MEP1B: variants seen among roughly 807,000 people sequenced by gnomAD.
MEP1B encodes the protein N-benzoyl-L-tyrosyl-P-amino-benzoic acid hydrolase subunit beta.
In MEP1B, 80 loss-of-function variants were observed where a neutral mutation model predicts 84.6. The ratio of observed to expected loss-of-function variants is 0.95; its 90% CI spans 0.79 to 1.14. The LOEUF (loss-of-function observed/expected upper bound fraction) is 1.14. Among genes scored for constraint, MEP1B ranks in the 50% most tolerant of loss-of-function variants. MEP1B has a pLI of 0.00. For missense variants in MEP1B, 766 were observed against 855.1 expected (o/e 0.90, Z 1.30); for synonymous variants, 273 against 288.1 (o/e 0.95, Z 0.53).
Position 32,196,626 on chromosome 18 carries a change from AC to A in MEP1B, c.250+1144del. ...GTCGTACTCCATCACCCTGTGCAGC[AC>A]CCGCCTGATGTTGTCCAGCACGCCA... On this transcript the variant is annotated intron_variant, in intron 5 of 14. Transcript: ENST00000269202. This position sits in a 1 kb window ranked among gnomAD's most constrained non-coding sequence, Gnocchi z 4.4. 1.4e-6 allele frequency: 1 copy of A among 716,264 alleles called. No homozygotes were observed. The highest frequency in any genetic ancestry group is 2.6e-6 in the Non-Finnish European group (1 of 390,738). The allele number at this position is 716,264 out of a possible 1,614,324, so 44.4% of individuals were successfully genotyped here.
chr18:32,190,426 A>G (rs1372225342), intron 1 of MEP1B, among the ~76,000 whole-genome samples: 1 of 152,110 alleles, frequency 6.6e-6, no homozygotes, highest in Non-Finnish European at 1.5e-5. Context: ...TTCCATTTTT[A>G]CTGCTGAATG....
At position 32,196,450 on chromosome 18, in the gene MEP1B, T is replaced by C; in HGVS notation, c.250+965T>C. The C allele has an allele frequency of 2.9e-6, 2 of 694,150 alleles. No homozygotes were observed. Among genetic ancestry groups the C allele is most frequent in the South Asian group, 3.0e-5 (2 of 67,392 alleles). The allele number at this position is 694,150 out of a possible 1,614,324, so 43.0% of individuals were successfully genotyped here. A position where few individuals can be genotyped will look rare whatever the true frequency, so the allele number is the denominator to read the frequency against. On this transcript the variant is annotated intron_variant, in intron 5 of 14. Transcript: ENST00000269202. The surrounding 1 kb of genome is among the most constrained non-coding windows in gnomAD (Gnocchi z 4.4). Reference sequence around the variant, plus strand: ...CTTACAGAGGGTGTGCAGCCAGCCCTTCCTTCTGGTGCTGCAGGGCCGACC... The same window carrying C: ...CTTACAGAGGGTGTGCAGCCAGCCCCTCCTTCTGGTGCTGCAGGGCCGACC...
intron 9 of MEP1B, among the ~76,000 whole-genome samples, chr18:32,209,412 G>A (rs1051057971): frequency 3.8e-4 from 57 of 151,878 alleles, no homozygotes; most frequent in African/African-American, 6.1e-4. Flanking sequence ...ACTTGAACCC[G>A]GGGGGCAGAG....
chr18:32,216,931 A>C, intron 12 of MEP1B, 60 bp from the exon 13 acceptor site: 1 of 1,515,674 alleles, frequency 6.6e-7, no homozygotes, highest in African/African-American at 1.4e-5. Flanking sequence ...TGAAAATTAA[A>C]GATCAAATGA....
chr18:32,204,243 T>C lies in MEP1B; in HGVS notation c.430T>C (p.Cys144Arg), dbSNP rs2040941340. ...GCAAGAACTTTCCATCGGGGCAAAC[T>C]GTGACCGAATAGCAACAGTTCAACA... ...GKQELSIGAN[C>R]DRIATVQHEF... is the part of the protein sequence containing the mutation. The change falls in exon 7 of 15, where the codon TGT (cysteine) becomes CGT (arginine). Residue 144 changes from cysteine to arginine, a missense_variant. Coordinates refer to ENST00000269202, the MANE Select transcript of MEP1B (RefSeq NM_005925.3). 1.2e-6 allele frequency: 2 copies of C among 1,605,708 alleles called. No individual in the cohort carries two copies. The highest frequency in any genetic ancestry group is 1.7e-6 in the Non-Finnish European group (2 of 1,176,434).
intron 6 of MEP1B, 94 bp from the exon 7 acceptor site, chr18:32,204,088 G>A: frequency 9.9e-7 from 1 of 1,007,994 alleles, no homozygotes; most frequent in South Asian, 1.5e-5. Context: ...GGGTAATGAA[G>A]TGGGTAATGA....
At position 32,210,796 on chromosome 18, in the gene MEP1B, C is replaced by T. The variant is rs369601919; in HGVS notation, c.1135+80C>T. On this transcript the variant is annotated intron_variant, in intron 10 of 14. Coordinates refer to ENST00000269202, the MANE Select transcript of MEP1B (RefSeq NM_005925.3). ...TTTCTTTAGTTAATGCAACAATTTA[C>T]AATAGGGCAGGGGCTACTGAGTCAC... 13 of 1,168,714 alleles carry T rather than the reference C, an allele frequency of 1.1e-5. No homozygotes were observed. In the East Asian group the frequency reaches 1.9e-4, roughly 17 times the overall value. The allele number at this position is 1,168,714 out of a possible 1,614,324, so 72.4% of individuals were successfully genotyped here.
In MEP1B at chr18:32,208,135, T is replaced by C. The variant is rs1297854942; in HGVS notation, c.783T>C (p.Phe261=). ...QLYNCSSSLS[F]MDSCSFELEN... Reference sequence around the variant, plus strand: ...TTTTTGTAGCCTCTTCCTTGAGTTTTATGGACTCGTGCAGTTTTGAACTGG... The same window carrying C: ...TTTTTGTAGCCTCTTCCTTGAGTTTCATGGACTCGTGCAGTTTTGAACTGG... Residue 261 remains phenylalanine, a synonymous_variant, in exon 9 of 15, where the codon TTT becomes TTC. Coordinates refer to ENST00000269202, the MANE Select transcript of MEP1B (RefSeq NM_005925.3). 2 of 1,613,832 alleles carry C rather than the reference T, an allele frequency of 1.2e-6. No individual in the cohort carries two copies. Among genetic ancestry groups the C allele is most frequent in the Non-Finnish European group, 1.7e-6 (2 of 1,179,756 alleles).
chr18:32,217,811 G>C lies in MEP1B; in HGVS notation c.1937G>C (p.Arg646Thr), dbSNP rs1327842240. The change falls in exon 14 of 15, where the codon AGA becomes ACA. Residue 646 changes from arginine to threonine, a missense_variant. Transcript: ENST00000269202. The part of the protein sequence containing the change: ...WWYMGERCEK[R>T]GSTRDTIVIA... ...TACATGGGAGAAAGGTGTGAAAAGA[G>C]AGGCTCCACCCGAGACACCATAGTC... The C allele has an allele frequency of 6.2e-7, 1 of 1,613,852 alleles. No individual in the cohort carries two copies. Among genetic ancestry groups the C allele is most frequent in the South Asian group, 1.1e-5 (1 of 91,038 alleles).
intron 2 of MEP1B, among the ~76,000 whole-genome samples, chr18:32,192,426 C>T (rs1598885192): frequency 6.6e-6 from 1 of 151,926 alleles, no homozygotes; most frequent in Admixed American, 6.6e-5. Flanking sequence ...CAAGGAATGT[C>T]GATAGGACAG....
At chr18:32,193,979 C>T (rs201081080) in intron 4 of MEP1B, among the ~76,000 whole-genome samples, 9 of 152,280 alleles carry the variant, frequency 5.9e-5, no homozygotes, top group African/African-American at 1.2e-4. Context: ...GTCTACAAGA[C>T]GTCTCAAACC....
chr18:32,217,804 GA>G lies in MEP1B; in HGVS notation c.1934del (p.Lys645ArgfsTer9). On this transcript the variant is annotated frameshift_variant, in exon 14 of 15. Transcript: ENST00000269202. LOFTEE classifies it high-confidence loss of function. ...EDWWYMGERC[E>X]KRGSTRDTIV... ...CTGGTGGTACATGGGAGAAAGGTGT[GA>G]AAAGAGAGGCTCCACCCGAGACACC... is the stretch of plus-strand genomic sequence containing the variant. 1.2e-6 allele frequency: 2 copies of G among 1,613,464 alleles called. No homozygotes were observed. The highest frequency in any genetic ancestry group is 1.7e-6 in the Non-Finnish European group (2 of 1,179,790).
rs1443314642 is a variant in MEP1B at position 32,190,687 on chromosome 18, G to A, written c.63+554G>A. Among the ~76,000 whole-genome samples the A allele has an allele frequency of 9.2e-5, 14 of 152,028 alleles. 1 individual carries two copies. Among genetic ancestry groups the A allele is most frequent in the Admixed American group, 9.2e-4 (14 of 15,264 alleles). Reference sequence around the variant, plus strand: ...TTTTAAAATAACAATTATTATATTGGGGTGATATTCTATGAATAGGAACTA... The same window carrying A: ...TTTTAAAATAACAATTATTATATTGAGGTGATATTCTATGAATAGGAACTA... On this transcript the variant is annotated intron_variant, in intron 1 of 14. Transcript: ENST00000269202.
At chr18:32,205,478 C>A (rs2040955573) in intron 7 of MEP1B, among the ~76,000 whole-genome samples, 1 of 152,204 alleles carries the variant, frequency 6.6e-6, no homozygotes, top group African/African-American at 2.4e-5. Context: ...AGCTCTTGCT[C>A]TTTATCCCCC....
At chr18:32,203,762 T>A (rs1041229291) in intron 6 of MEP1B, among the ~76,000 whole-genome samples, 7 of 152,068 alleles carry the variant, frequency 4.6e-5, no homozygotes, top group African/African-American at 1.7e-4. Flanking sequence ...TGGGGAGGCC[T>A]CCGGAAGCTT....
intron 1 of MEP1B, among the ~76,000 whole-genome samples, chr18:32,191,079 T>C (rs2040797591): frequency 6.6e-6 from 1 of 152,106 alleles, no homozygotes; most frequent in South Asian, 2.1e-4. Flanking sequence ...CCATATCTTA[T>C]GGATAGTCTG....
intron 1 of MEP1B, 111 bp downstream of exon 1, chr18:32,190,244 G>T: frequency 3.9e-6 from 3 of 771,502 alleles, no homozygotes; most frequent in South Asian, 1.8e-5. Flanking sequence ...TTGAAATGTT[G>T]ATCTCAAATG....
intron 6 of MEP1B, among the ~76,000 whole-genome samples, 170 bp from the exon 7 acceptor site, chr18:32,204,012 A>G (rs1026566393): frequency 1.3e-5 from 2 of 152,126 alleles, no homozygotes; most frequent in Non-Finnish European, 2.9e-5. Flanking sequence ...AGTGGGGACA[A>G]TTGTCCAAAC....
chr18:32,220,256 G>A lies in MEP1B; in HGVS notation c.*11G>A, dbSNP rs750823704. On this transcript the variant is annotated 3_prime_UTR_variant, in exon 15 of 15. Transcript: ENST00000269202. ...CAGCATGCTTTTTGAAGATTAACTC[G>A]ACAATATGGCCAGCTAATGAAATTA... 7 of 1,607,794 alleles carry A rather than the reference G, an allele frequency of 4.4e-6. No homozygotes were observed. The highest frequency in any genetic ancestry group is 1.7e-4 in the Middle Eastern group (1 of 6,052).
Sources: gnomAD v4.1 joint callset for allele counts (sites outside exome capture counted in the v4.1 genomes callset) on GRCh38, gnomAD v4.1.1 for gene constraint, Gnocchi (gnomAD v3.1) non-coding constraint, MANE v1.5 for transcripts, NCBI Gene and HGNC (gene_info 2026-07-23, HGNC 2026-07-21) for gene names.